CCDC195: variants seen among roughly 807,000 people sequenced by gnomAD.
CCDC195 encodes the protein coiled-coil domain containing 195, also known as coiled-coil domain-containing protein 195.
intron 2 of CCDC195, among the ~76,000 whole-genome samples, chr2:224,707,095 C>G (rs1191129425): frequency 6.6e-6 from 1 of 152,068 alleles, no homozygotes; most frequent in Non-Finnish European, 1.5e-5. Context: ...GAAATCATGT[C>G]CACTGTTAGC....
chr2:224,708,948 T>C (rs1314662892), intron 2 of CCDC195, among the ~76,000 whole-genome samples: 1 of 152,124 alleles, frequency 6.6e-6, no homozygotes, highest in Admixed American at 6.6e-5. Flanking sequence ...CAGTGCATGC[T>C]CCTGCACAGT....
chr2:224,707,190 T>C (rs576000796), intron 2 of CCDC195, among the ~76,000 whole-genome samples: 1 of 150,404 alleles, frequency 6.6e-6, no homozygotes, highest in Admixed American at 6.7e-5. Flanking sequence ...ATTGTTCTCT[T>C]AAAATTTTTC....
At position 224,711,982 on chromosome 2, in the gene CCDC195, C is replaced by T. The variant is rs568705356; in HGVS notation, c.236-1763G>A. Among the ~76,000 whole-genome samples, 6 of 152,258 alleles carry T rather than the reference C, an allele frequency of 3.9e-5. No homozygotes were observed. The South Asian group carries it at 8.3e-4, about 21-fold the overall frequency. On this transcript the variant is annotated intron_variant, in intron 1 of 2. Coordinates refer to ENST00000638102, the Ensembl canonical transcript of CCDC195. ...ATCTGTGACTACTTACAAACATAAA[C>T]GTTTTTGTTTAGAAGGATTATAAAA...
chr2:224,704,651 C>T (rs190451378), intron 2 of CCDC195, among the ~76,000 whole-genome samples: 24 of 112,852 alleles, frequency 2.1e-4, no homozygotes, highest in Non-Finnish European at 3.0e-4. Flanking sequence ...GAGACAGAGT[C>T]TCATTCTGTC....
At chr2:224,704,698 G>C (rs555411319) in intron 2 of CCDC195, among the ~76,000 whole-genome samples, 23 of 141,106 alleles carry the variant, frequency 1.6e-4, no homozygotes, top group African/African-American at 6.1e-4. Flanking sequence ...TCTCAGCTCA[G>C]TGCAACCTCC....
intron 1 of CCDC195, among the ~76,000 whole-genome samples, chr2:224,713,134 T>G (rs577850204): frequency 6.6e-6 from 1 of 152,270 alleles, no homozygotes; most frequent in African/African-American, 2.4e-5. Flanking sequence ...CCCAAAGTGC[T>G]GAGATTTCAG....
intron 1 of CCDC195, among the ~76,000 whole-genome samples, chr2:224,711,721 T>A (rs1053795239): frequency 4.6e-5 from 7 of 152,208 alleles, no homozygotes; most frequent in Non-Finnish European, 4.4e-5. Context: ...AATTATTTTT[T>A]ATTTATGTTT....
intron 2 of CCDC195, among the ~76,000 whole-genome samples, chr2:224,705,482 G>A (rs577893015): frequency 2.6e-5 from 4 of 152,190 alleles, no homozygotes; most frequent in African/African-American, 7.2e-5. Context: ...TATTTTCGTG[G>A]TATAATAATG....
chr2:224,710,806 T>C (rs577258703), intron 1 of CCDC195, among the ~76,000 whole-genome samples: 181 of 152,244 alleles, frequency 1.2e-3, no homozygotes, highest in African/African-American at 4.2e-3. Context: ...CAATAGATGA[T>C]AGAATTCACA....
intron 1 of CCDC195, among the ~76,000 whole-genome samples, chr2:224,715,794 C>T (rs1689376050): frequency 6.6e-6 from 1 of 152,136 alleles, no homozygotes; most frequent in Non-Finnish European, 1.5e-5. Flanking sequence ...ATTTGACATA[C>T]ACACATTCAA....
At chr2:224,708,011 T>TCTTCCTTCCTTCCTTTCTTC (rs1689247224) in intron 2 of CCDC195, among the ~76,000 whole-genome samples, 1 of 84,734 alleles carries the variant, frequency 1.2e-5, no homozygotes, top group Non-Finnish European at 2.2e-5. Flanking sequence ...TTCCTTCCTT[T>TCTTCCTTCCTTCCTTTCTTC]CTTCCTTCCT....
intron 2 of CCDC195, among the ~76,000 whole-genome samples, chr2:224,704,610 CTTTTTTTTTTTTTTTTCT>C (rs1398110494): frequency 4.5e-5 from 5 of 110,636 alleles, no homozygotes; most frequent in Non-Finnish European, 5.2e-5. Flanking sequence ...CTTTTCTTTT[CTTTTTTTTTTTTTTTTCT>C]TTTTTTTTTT....
At chr2:224,708,341 A>T (rs187826221) in intron 2 of CCDC195, among the ~76,000 whole-genome samples, 78 of 152,316 alleles carry the variant, frequency 5.1e-4, no homozygotes, top group African/African-American at 1.7e-3. Context: ...GATAAAGCAT[A>T]TATTCCTTAG....
chr2:224,713,222 A>C (rs1689334937), intron 1 of CCDC195, among the ~76,000 whole-genome samples: 1 of 152,172 alleles, frequency 6.6e-6, no homozygotes, highest in Admixed American at 6.5e-5. Flanking sequence ...GTAAGTATGA[A>C]TTTCAATTGA....
At chr2:224,706,212 T>TTTTTG (rs1697239285) in intron 2 of CCDC195, among the ~76,000 whole-genome samples, 3 of 108,338 alleles carry the variant, frequency 2.8e-5, no homozygotes, top group African/African-American at 1.1e-4. Flanking sequence ...TTTTTTTTTT[T>TTTTTG]TTTTTTTTTT....
At chr2:224,712,872 T>C (rs934028714) in intron 1 of CCDC195, among the ~76,000 whole-genome samples, 1 of 151,782 alleles carries the variant, frequency 6.6e-6, no homozygotes, top group African/African-American at 2.4e-5. Flanking sequence ...CCTTCCTTCC[T>C]TCCCTCCTTC....
chr2:224,710,181 A>G (rs867265822), exon 2 of CCDC195: 2 of 398,508 alleles, frequency 5.0e-6, no homozygotes, highest in African/African-American at 2.1e-5. Flanking sequence ...GAGCAAACTG[A>G]TGATGAAATG....
intron 1 of CCDC195, among the ~76,000 whole-genome samples, chr2:224,713,363 T>C (rs2124853964): frequency 6.6e-6 from 1 of 152,342 alleles, no homozygotes; most frequent in East Asian, 1.9e-4. Context: ...ACTTACACTA[T>C]CTTTACTCCT....
At chr2:224,704,144 A>AG (rs1697210161) in intron 2 of CCDC195, among the ~76,000 whole-genome samples, 1 of 152,244 alleles carries the variant, frequency 6.6e-6, no homozygotes, top group South Asian at 2.1e-4. Flanking sequence ...TATATGGCTG[A>AG]GGAATGATTA....
Sources: allele counts gnomAD v4.1 joint callset (sites outside exome capture counted in the v4.1 genomes callset), GRCh38; gene constraint gnomAD v4.1.1; transcripts MANE v1.5; gene names NCBI Gene and HGNC (gene_info 2026-07-23, HGNC 2026-07-21).